DYTN: variants seen among roughly 807,000 people sequenced by gnomAD.
The protein encoded by DYTN is dystrotelin.
In DYTN, 75 loss-of-function variants were observed where a neutral mutation model predicts 69.6. That is an observed-to-expected ratio of 1.08 (90% CI 0.89 to 1.31). The LOEUF is 1.31. DYTN is among the 50% of genes most tolerant of loss of function. The pLI, the probability that DYTN is intolerant of heterozygous loss-of-function variation, is 0.00. For missense variants in DYTN, 726 were observed against 688.4 expected (o/e 1.05, Z -0.61); for synonymous variants, 252 against 249.1 (o/e 1.01, Z -0.11).
At chr2:206,712,760 C>G (rs1365677465) in intron 1 of DYTN, among the ~76,000 whole-genome samples, 4 of 152,256 alleles carry the variant, frequency 2.6e-5, no homozygotes, top group African/African-American at 9.6e-5. Flanking sequence ...AACTGCAACT[C>G]TCCCACTTCC....
intron 11 of DYTN, among the ~76,000 whole-genome samples, 179 bp from the exon 12 acceptor site, chr2:206,652,100 G>A (rs546434632): frequency 6.6e-6 from 1 of 152,302 alleles, no homozygotes; most frequent in Admixed American, 6.5e-5. Context: ...TCATTACTAC[G>A]AATTCAGTCA....
At chr2:206,705,951 A>G in intron 3 of DYTN, 78 bp from the exon 4 acceptor site, 1 of 1,483,468 alleles carries the variant, frequency 6.7e-7, no homozygotes, top group Non-Finnish European at 9.2e-7. Flanking sequence ...AAAAACCATA[A>G]CTATTAATGG....
chr2:206,677,623 T>A (rs193298965), intron 9 of DYTN, among the ~76,000 whole-genome samples: 27 of 152,334 alleles, frequency 1.8e-4, no homozygotes, highest in Admixed American at 1.4e-3. Context: ...GCTAGAGTCA[T>A]TTGATTTCTC....
Position 206,651,665 on chromosome 2 carries a change from A to G in DYTN, c.*153T>C. 1 of 634,714 alleles carries G rather than the reference A, an allele frequency of 1.6e-6. No homozygotes were observed. Among genetic ancestry groups the G allele is most frequent in the African/African-American group, 1.9e-5 (1 of 54,028 alleles). The allele number at this position is 634,714 out of a possible 1,614,324, so 39.3% of individuals were successfully genotyped here. A position where few individuals can be genotyped will look rare whatever the true frequency, so the allele number is the denominator to read the frequency against. Reference sequence around the variant, plus strand: ...ACTCTGAACTGCAGAACTAAGATACATAAGTAGGGAGGGAGATCAAAAAAC... The same window carrying G: ...ACTCTGAACTGCAGAACTAAGATACGTAAGTAGGGAGGGAGATCAAAAAAC... On this transcript the variant is annotated 3_prime_UTR_variant, in exon 12 of 12. Transcript: ENST00000452335.
rs569423152 is a variant in DYTN, at chr2:206,665,912, A to C, written c.1098T>G (p.Asp366Glu). The change falls in exon 10 of 12, where the codon GAT becomes GAG. Residue 366 changes from aspartate to glutamate, a missense_variant. Physicochemically the swap from Asp to Glu is conservative, Grantham distance 45. Coordinates refer to ENST00000452335, the MANE Select transcript of DYTN (RefSeq NM_001093730.1). ...TCTGTTGTAGCTTGGTCCATAGACT[A>C]TCCTGGTTGGTTTTGAGTTTGTGAA... ...TRIHKLKTNQ[D>E]SLWTKLQQIR... 1 of 1,613,932 alleles carries C rather than the reference A, an allele frequency of 6.2e-7. No individual in the cohort carries two copies. Among genetic ancestry groups the C allele is most frequent in the Non-Finnish European group, 8.5e-7 (1 of 1,179,872 alleles).
intron 9 of DYTN, among the ~76,000 whole-genome samples, chr2:206,691,569 A>C (rs1699863472): frequency 6.6e-6 from 1 of 152,210 alleles, no homozygotes; most frequent in African/African-American, 2.4e-5. Context: ...AATAAAGATA[A>C]ACTGGAAACT....
chr2:206,696,771 G>T (rs1191519998), intron 7 of DYTN, among the ~76,000 whole-genome samples: 1 of 152,094 alleles, frequency 6.6e-6, no homozygotes, highest in Non-Finnish European at 1.5e-5. Context: ...ACTCCTCAAG[G>T]CAGGAGGCTT....
At chr2:206,692,952 C>G (rs1699880169) in intron 9 of DYTN, among the ~76,000 whole-genome samples, 1 of 152,154 alleles carries the variant, frequency 6.6e-6, no homozygotes, top group Non-Finnish European at 1.5e-5. Flanking sequence ...AGAAATAACT[C>G]TAAACATCTG....
At chr2:206,655,586 AAT>A (rs1491408321) in intron 11 of DYTN, among the ~76,000 whole-genome samples, 1 of 147,492 alleles carries the variant, frequency 6.8e-6, no homozygotes, top group Non-Finnish European at 1.5e-5. Context: ...ATTAAAAAAA[AAT>A]TTTTTTTTTT....
intron 9 of DYTN, among the ~76,000 whole-genome samples, chr2:206,691,469 G>A (rs865964802): frequency 1.3e-5 from 2 of 151,876 alleles, no homozygotes; most frequent in South Asian, 2.1e-4. Context: ...ATAGAAATTT[G>A]GGCAAGATCT....
chr2:206,670,664 A>G (rs1050668151), intron 9 of DYTN: 1 of 152,228 alleles, frequency 6.6e-6, no homozygotes, highest in African/African-American at 2.4e-5. Flanking sequence ...AAAGAAATTC[A>G]ATCTATTTCA....
At chr2:206,708,140 T>C (rs1284487878) in intron 2 of DYTN, among the ~76,000 whole-genome samples, 1 of 152,232 alleles carries the variant, frequency 6.6e-6, no homozygotes, top group East Asian at 1.9e-4. Flanking sequence ...TTAATAAAAC[T>C]ACAGCTGCTT....
intron 3 of DYTN, among the ~76,000 whole-genome samples, chr2:206,706,227 G>A (rs1168855524): frequency 1.3e-5 from 2 of 151,904 alleles, no homozygotes; most frequent in Admixed American, 6.6e-5. Context: ...ACAGAGATAA[G>A]GAAGGACCAA....
chr2:206,668,462 A>G (rs1357876236), intron 9 of DYTN, among the ~76,000 whole-genome samples: 1 of 152,218 alleles, frequency 6.6e-6, no homozygotes, highest in Non-Finnish European at 1.5e-5. Context: ...GGAGCCCAGG[A>G]CTTTCCAGGC....
chr2:206,659,558 T>G (rs1699486509), intron 11 of DYTN, among the ~76,000 whole-genome samples: 1 of 147,662 alleles, frequency 6.8e-6, no homozygotes, highest in Non-Finnish European at 1.5e-5. Flanking sequence ...ATCTGATGCA[T>G]CCATGATAGA....
intron 9 of DYTN, among the ~76,000 whole-genome samples, chr2:206,688,749 G>T (rs1018566289): frequency 8.6e-5 from 13 of 151,968 alleles, no homozygotes; most frequent in African/African-American, 2.4e-4. Context: ...TAGAAATTTG[G>T]CATTTTTTCC....
At chr2:206,711,617 G>T (rs1452217818) in intron 1 of DYTN, among the ~76,000 whole-genome samples, 1 of 150,758 alleles carries the variant, frequency 6.6e-6, no homozygotes, top group Admixed American at 6.6e-5. Flanking sequence ...TAAGTTTTAG[G>T]GTACATGTGC....
intron 9 of DYTN, among the ~76,000 whole-genome samples, chr2:206,672,707 T>C (rs1226702664): frequency 6.6e-6 from 1 of 152,240 alleles, no homozygotes; most frequent in African/African-American, 2.4e-5. Context: ...GACCATATTC[T>C]GAAAACCTTT....
rs1389323386 is a variant in DYTN at position 206,715,812 on chromosome 2, G to A, written c.19+2449C>T. On this transcript the variant is annotated intron_variant, in intron 1 of 11. Transcript: ENST00000452335. ...AGTTTAGAAAGTGGCTGTGGTGGCC[G>A]GGTGCGGTGGCTCACGCCTGTAATC... Among the ~76,000 whole-genome samples, 20 of 152,088 alleles carry A rather than the reference G, an allele frequency of 1.3e-4. 1 individual carries two copies. Among genetic ancestry groups the A allele is most frequent in the African/African-American group, 4.3e-4 (18 of 41,534 alleles).
Sources: gnomAD v4.1 joint callset for allele counts (sites outside exome capture counted in the v4.1 genomes callset) on GRCh38, gnomAD v4.1.1 for gene constraint, MANE v1.5 for transcripts, NCBI Gene and HGNC (gene_info 2026-07-23, HGNC 2026-07-21) for gene names.